DLGAP2: variants seen among roughly 807,000 people sequenced by gnomAD.
DLGAP2 encodes DLG associated protein 2.
A neutral mutation model predicts 100.3 loss-of-function variants in DLGAP2; 26 were observed. The ratio of observed to expected loss-of-function variants is 0.26; its 90% CI spans 0.19 to 0.36. The LOEUF (loss-of-function observed/expected upper bound fraction) is 0.36, where lower values mean the gene tolerates loss of function less well. DLGAP2 is among the 10% of genes least tolerant of loss of function. DLGAP2 has a pLI of 1.00. For synonymous variants in DLGAP2, 886 were observed against 630.1 expected, an observed-to-expected ratio of 1.41 and a Z score of -6.08; for missense variants, 1,858 against 1,453.2, an observed-to-expected ratio of 1.28 and a Z score of -4.53.
intron 1 of DLGAP2, among the ~76,000 whole-genome samples, chr8:801,847 C>T (rs921544079): frequency 2.0e-5 from 3 of 152,100 alleles, no homozygotes; most frequent in Non-Finnish European, 4.4e-5. Context: ...ACCCAGGTGG[C>T]TGTGCCCTTT....
intron 13 of DLGAP2, among the ~76,000 whole-genome samples, chr8:1,693,540 C>A (rs888687988): frequency 3.9e-5 from 6 of 152,110 alleles, no homozygotes; most frequent in African/African-American, 1.4e-4. Context: ...CTTCTCTAGG[C>A]CTCGCGTAGC....
At chr8:1,519,578 G>T (rs562830718) in intron 4 of DLGAP2, among the ~76,000 whole-genome samples, 1 of 152,214 alleles carries the variant, frequency 6.6e-6, no homozygotes, top group Non-Finnish European at 1.5e-5. Flanking sequence ...TTGTTTAACG[G>T]TTCTGACGAC....
chr8:1,165,784 C>A (rs1017948698), intron 2 of DLGAP2, among the ~76,000 whole-genome samples: 3 of 151,654 alleles, frequency 2.0e-5, no homozygotes, highest in African/African-American at 7.3e-5. Flanking sequence ...GTTTGTATCT[C>A]CTCCTGTTAC....
intron 6 of DLGAP2, among the ~76,000 whole-genome samples, chr8:1,582,838 C>T (rs1264437914): frequency 1.3e-5 from 2 of 152,140 alleles, no homozygotes; most frequent in Non-Finnish European, 1.5e-5. Flanking sequence ...CCTGAAATGG[C>T]CCACCCTCCT....
At chr8:830,986 C>T (rs1188945366) in intron 1 of DLGAP2, among the ~76,000 whole-genome samples, 2 of 151,560 alleles carry the variant, frequency 1.3e-5, no homozygotes, top group African/African-American at 4.9e-5. Context: ...ACCTTTGCCT[C>T]CCGAGTTCAA....
chr8:1,196,204 T>A (rs1448587460), intron 2 of DLGAP2, among the ~76,000 whole-genome samples: 1 of 152,252 alleles, frequency 6.6e-6, no homozygotes, highest in East Asian at 1.9e-4. Flanking sequence ...TTTTGTTTGG[T>A]AAAATATCCT....
At chr8:1,237,106 C>G (rs35661196) in intron 2 of DLGAP2, among the ~76,000 whole-genome samples, 28 of 127,120 alleles carry the variant, frequency 2.2e-4, no homozygotes, top group Non-Finnish European at 4.2e-4. Context: ...TCACATGGCA[C>G]CGTGCCTAGT....
In DLGAP2 at chr8:906,280, T is replaced by C. The variant is rs373048923; in HGVS notation, c.19-1632T>C. ...AAAAGTATTTTGTGGGCAACTTAGT[T>C]TAGGGAAGGATGTGGCGGAGCCTCC... On this transcript the variant is annotated intron_variant, in intron 1 of 14. Coordinates refer to ENST00000637795, the MANE Select transcript of DLGAP2 (RefSeq NM_001346810.2). Among the ~76,000 whole-genome samples, 100 of 152,346 alleles carry C rather than the reference T, an allele frequency of 6.6e-4. 1 individual carries two copies. In the South Asian group the frequency reaches 0.018, roughly 28 times the overall value.
intron 2 of DLGAP2, among the ~76,000 whole-genome samples, chr8:947,506 T>G (rs1300284461): frequency 6.6e-6 from 1 of 152,206 alleles, no homozygotes; most frequent in Non-Finnish European, 1.5e-5. Flanking sequence ...CAGTAAGATG[T>G]GGCCCGTGGA....
At chr8:1,578,423 C>T (rs966166440) in intron 6 of DLGAP2, among the ~76,000 whole-genome samples, 12 of 152,164 alleles carry the variant, frequency 7.9e-5, no homozygotes, top group African/African-American at 2.2e-4. Flanking sequence ...TTGACTGTGC[C>T]GTCCCGTGAG....
chr8:1,654,685 G>T (rs1027515844), intron 8 of DLGAP2, among the ~76,000 whole-genome samples: 6 of 148,118 alleles, frequency 4.1e-5, no homozygotes, highest in African/African-American at 1.5e-4. Context: ...AAAAAGAATT[G>T]GAACATAATT....
intron 3 of DLGAP2, among the ~76,000 whole-genome samples, chr8:1,287,232 G>C (rs1426919751): frequency 9.0e-6 from 1 of 111,704 alleles, no homozygotes; most frequent in African/African-American, 3.6e-5. Flanking sequence ...TGTGTATGTG[G>C]TTTTGTTAGG....
intron 2 of DLGAP2, among the ~76,000 whole-genome samples, chr8:1,120,848 C>T (rs936807310): frequency 6.6e-6 from 1 of 152,130 alleles, no homozygotes; most frequent in Non-Finnish European, 1.5e-5. Flanking sequence ...GACCACCCAT[C>T]CTTGTCCCTT....
chr8:1,565,630 C>A, intron 5 of DLGAP2, 53 bp from the exon 6 acceptor site: 2 of 1,453,428 alleles, frequency 1.4e-6, no homozygotes, highest in Non-Finnish European at 1.9e-6. Context: ...GGAGCTGATG[C>A]TGCCGTTCTC....
intron 3 of DLGAP2, among the ~76,000 whole-genome samples, chr8:1,457,487 C>G (rs1021856146): frequency 1.7e-4 from 26 of 152,180 alleles, no homozygotes; most frequent in Non-Finnish European, 7.3e-5. Context: ...GTATCCTTAA[C>G]TAGTAGCCCA....
intron 2 of DLGAP2, among the ~76,000 whole-genome samples, chr8:1,093,858 G>C (rs2129042103): frequency 6.6e-6 from 1 of 152,356 alleles, no homozygotes; most frequent in African/African-American, 2.4e-5. Flanking sequence ...AATGAGAGTT[G>C]GGGTCTCAAA....
In DLGAP2 at chr8:1,013,628, C is replaced by T. The variant is rs566742297; in HGVS notation, c.73+105662C>T. The stretch of plus-strand genomic sequence containing the variant: ...CCACTGTGTGTGTGACCAGGACAGA[C>T]GGTGCCTCCACTGTGTGTGTGACCA... On this transcript the variant is annotated intron_variant, in intron 2 of 14. Coordinates refer to ENST00000637795, the MANE Select transcript of DLGAP2 (RefSeq NM_001346810.2). 3.5e-4 allele frequency among the ~76,000 whole-genome samples: 48 copies of T among 136,608 alleles called. 2 individuals are homozygous for T. The highest frequency in any genetic ancestry group is 1.5e-3 in the African/African-American group (45 of 29,234). The allele number at this position is 136,608 out of a possible 152,430, so 89.6% of individuals were successfully genotyped here.
intron 3 of DLGAP2, among the ~76,000 whole-genome samples, chr8:1,461,185 C>T (rs1798461373): frequency 7.4e-6 from 1 of 135,732 alleles, no homozygotes; most frequent in Non-Finnish European, 1.6e-5. Context: ...GCTGCTGTCA[C>T]AGGACTGGGT....
chr8:1,256,098 G>A (rs1428180769), intron 2 of DLGAP2, among the ~76,000 whole-genome samples: 3 of 128,664 alleles, frequency 2.3e-5, no homozygotes, highest in African/African-American at 6.3e-5. Flanking sequence ...CTGCCCGGGC[G>A]CTGTGTGTGT....
Sources: allele counts gnomAD v4.1 joint callset (sites outside exome capture counted in the v4.1 genomes callset), GRCh38; gene constraint gnomAD v4.1.1; transcripts MANE v1.5; gene names NCBI Gene and HGNC (gene_info 2026-07-23, HGNC 2026-07-21).